Variants in ZNF804B observed in about 807,000 individuals in gnomAD.
ZNF804B encodes the protein zinc finger protein 804B.
ZNF804B carries 80 observed loss-of-function variants against 101.4 expected under a neutral mutation model. That is an observed-to-expected ratio of 0.79 (90% CI 0.66 to 0.95). ZNF804B has a LOEUF of 0.95. ZNF804B is among the 40% of genes least tolerant of loss of function. The probability of loss-of-function intolerance (pLI) is 0.00; values close to 1 mark genes in which losing one functional copy is unlikely to be tolerated. For missense variants in ZNF804B, 1,673 were observed against 1,561.9 expected (o/e 1.07, Z -1.20); for synonymous variants, 622 against 558.8 (o/e 1.11, Z -1.59).
At chr7:89,147,078 A>G (rs900466620) in intron 1 of ZNF804B, among the ~76,000 whole-genome samples, 2 of 127,188 alleles carry the variant, frequency 1.6e-5, no homozygotes, top group African/African-American at 6.6e-5. Context: ...AAATAGGATA[A>G]TCAGGTATAT....
chr7:88,873,830 T>C (rs892496614), intron 1 of ZNF804B, among the ~76,000 whole-genome samples: 3 of 152,176 alleles, frequency 2.0e-5, no homozygotes, highest in African/African-American at 7.2e-5. Flanking sequence ...TTGATCTATA[T>C]CTTTGTTTTG....
chr7:89,024,624 AG>A (rs1242836844), intron 1 of ZNF804B, among the ~76,000 whole-genome samples: 2 of 137,588 alleles, frequency 1.5e-5, no homozygotes, highest in Non-Finnish European at 3.1e-5. Context: ...TTTTACAAAA[AG>A]TTTTCAAAGT....
intron 1 of ZNF804B, chr7:88,794,720 A>C (rs760578103): frequency 4.3e-6 from 7 of 1,613,412 alleles, no homozygotes; most frequent in African/African-American, 1.3e-5. Flanking sequence ...TTCAAAACTG[A>C]CTGAAACATT....
At chr7:89,247,723 A>G (rs1350714112) in intron 2 of ZNF804B, among the ~76,000 whole-genome samples, 2 of 152,182 alleles carry the variant, frequency 1.3e-5, no homozygotes, top group African/African-American at 4.8e-5. Flanking sequence ...ACACCAAAGG[A>G]TCACAATAGC....
chr7:89,006,981 G>A (rs529741988), intron 1 of ZNF804B, among the ~76,000 whole-genome samples: 1 of 152,092 alleles, frequency 6.6e-6, no homozygotes, highest in Non-Finnish European at 1.5e-5. Flanking sequence ...GTGCGTGTTG[G>A]CCTCCATCGT....
intron 2 of ZNF804B, among the ~76,000 whole-genome samples, chr7:89,323,190 G>C (rs541104334): frequency 6.6e-6 from 1 of 152,312 alleles, no homozygotes; most frequent in East Asian, 1.9e-4. Flanking sequence ...TCTGTCTGCA[G>C]GCAACTTGAT....
intron 1 of ZNF804B, among the ~76,000 whole-genome samples, chr7:88,885,200 ATATTACATT>A (rs1484964219): frequency 6.6e-6 from 1 of 151,956 alleles, no homozygotes; most frequent in African/African-American, 2.4e-5. Context: ...GTTGGGCATT[ATATTACATT>A]ATCTGCTACC....
At chr7:89,010,492 T>C (rs1437368568) in intron 1 of ZNF804B, among the ~76,000 whole-genome samples, 1 of 152,194 alleles carries the variant, frequency 6.6e-6, no homozygotes, top group African/African-American at 2.4e-5. Flanking sequence ...TGAAATTTCC[T>C]TGGAGGGTTC....
chr7:89,335,302 CA>C lies in ZNF804B; in HGVS notation c.2323del (p.Met775CysfsTer46), dbSNP rs963784475. On this transcript the variant is annotated frameshift_variant, in exon 4 of 4. Transcript: ENST00000333190. LOFTEE classifies it high-confidence loss of function. ...YLSDDITKSS[Q>X]MQSEPQKERN... is the part of the protein sequence containing the mutation. ...GTCTGATGATATAACAAAGAGCAGCCAAATGCAGTCTGAACCACAGAAAGAG... is the reference window on the plus strand; with the variant it reads ...GTCTGATGATATAACAAAGAGCAGCCAATGCAGTCTGAACCACAGAAAGAG... 2 of 1,613,510 alleles carry C rather than the reference CA, an allele frequency of 1.2e-6. No individual in the cohort carries two copies. The highest frequency in any genetic ancestry group is 1.3e-5 in the African/African-American group (1 of 74,862).
At chr7:89,049,794 G>A (rs1035109752) in intron 1 of ZNF804B, among the ~76,000 whole-genome samples, 1 of 152,072 alleles carries the variant, frequency 6.6e-6, no homozygotes, top group Non-Finnish European at 1.5e-5. Context: ...GGCATATAAT[G>A]TAAAGTCAGA....
At chr7:88,944,834 T>C (rs1254058703) in intron 1 of ZNF804B, among the ~76,000 whole-genome samples, 1 of 151,908 alleles carries the variant, frequency 6.6e-6, no homozygotes, top group African/African-American at 2.4e-5. Flanking sequence ...CTATAATTAG[T>C]ACTTAACACA....
intron 1 of ZNF804B, among the ~76,000 whole-genome samples, chr7:88,825,515 T>A (rs1287443069): frequency 6.9e-6 from 1 of 144,768 alleles, no homozygotes; most frequent in Non-Finnish European, 1.5e-5. Context: ...ACTTCACATG[T>A]ACAGTTTCCC....
chr7:89,280,828 A>G (rs958205977), intron 2 of ZNF804B, among the ~76,000 whole-genome samples: 13 of 152,242 alleles, frequency 8.5e-5, no homozygotes, highest in African/African-American at 3.1e-4. Context: ...CCAGAGGTAT[A>G]AGGAGGAACT....
At chr7:89,307,921 A>G (rs1790589980) in intron 2 of ZNF804B, among the ~76,000 whole-genome samples, 1 of 152,124 alleles carries the variant, frequency 6.6e-6, no homozygotes, top group Non-Finnish European at 1.5e-5. Context: ...CCTCAAGTAT[A>G]TACTCAGCTA....
At chr7:89,262,133 C>CT (rs1789720789) in intron 2 of ZNF804B, among the ~76,000 whole-genome samples, 1 of 152,188 alleles carries the variant, frequency 6.6e-6, no homozygotes, top group South Asian at 2.1e-4. Context: ...ATATTTCCCC[C>CT]TTTTTCAACT....
intron 1 of ZNF804B, among the ~76,000 whole-genome samples, chr7:89,196,073 CA>C (rs920638536): frequency 6.6e-6 from 1 of 151,768 alleles, no homozygotes; most frequent in East Asian, 1.9e-4. Flanking sequence ...CATATGGAAC[CA>C]AAAAAAGAGC....
At chr7:88,933,931 C>CAAAAAAAAAAAAAAAAACA (rs3034321) in intron 1 of ZNF804B, among the ~76,000 whole-genome samples, 1 of 135,644 alleles carries the variant, frequency 7.4e-6, no homozygotes, top group Non-Finnish European at 1.7e-5. Context: ...TGTATTAAAC[C>CAAAAAAAAAAAAAAAAACA]AAAAAAAAAA....
At chr7:89,092,505 C>T (rs1468086805) in intron 1 of ZNF804B, among the ~76,000 whole-genome samples, 6 of 148,390 alleles carry the variant, frequency 4.0e-5, no homozygotes, top group Non-Finnish European at 5.9e-5. Context: ...CTCCGCCTCC[C>T]GAGTTCAAGT....
rs767774330 is a variant in ZNF804B, at chr7:89,335,857, T to C, written c.2875T>C (p.Ser959Pro). 2 of 1,614,058 alleles carry C rather than the reference T, an allele frequency of 1.2e-6. No individual in the cohort carries two copies. Among genetic ancestry groups the C allele is most frequent in the South Asian group, 2.2e-5 (2 of 91,082 alleles). ...TTGTAAAAGTGAATTAGAGGCTCCT[T>C]CGCAAGTCCCATGCACAATTCAACT... ...NSCKSELEAP[S>P]QVPCTIQLAP... Residue 959 changes from serine to proline, a missense_variant, in exon 4 of 4, where the codon TCG becomes CCG. Physicochemically the swap from Ser to Pro is moderately conservative, Grantham distance 74. Coordinates refer to ENST00000333190, the MANE Select transcript of ZNF804B (RefSeq NM_181646.5).
Sources: allele counts gnomAD v4.1 joint callset (sites outside exome capture counted in the v4.1 genomes callset), GRCh38; gene constraint gnomAD v4.1.1; transcripts MANE v1.5; gene names NCBI Gene and HGNC (gene_info 2026-07-23, HGNC 2026-07-21).